Variants in MATN2 observed in about 807,000 individuals in gnomAD.
MATN2 encodes matrilin-2.
Under a neutral mutation model 103.2 loss-of-function variants are expected in MATN2, and 69 were observed. The ratio of observed to expected loss-of-function variants is 0.67; its 90% CI spans 0.55 to 0.82. MATN2 has a LOEUF of 0.82. MATN2 is among the 40% of genes least tolerant of loss of function. The probability of loss-of-function intolerance (pLI) is 0.00; values close to 1 mark genes in which losing one functional copy is unlikely to be tolerated. For synonymous variants in MATN2, 429 were observed against 450.2 expected (o/e 0.95, Z 0.60); for missense variants, 1,023 against 1,211.5 (o/e 0.84, Z 2.31).
intron 4 of MATN2, among the ~76,000 whole-genome samples, chr8:97,945,717 A>AAAAAAATATATAT (rs59472539): frequency 1.1e-4 from 14 of 121,810 alleles, no homozygotes; most frequent in South Asian, 3.0e-4. Context: ...AAAAAAAAAA[A>AAAAAAATATATAT]ATATATATAT....
At chr8:97,927,247 G>A (rs1840371) in intron 2 of MATN2, among the ~76,000 whole-genome samples, 99,391 of 151,982 alleles carry the variant, frequency 0.65, 33,210 homozygotes, top group East Asian at 0.92. Context: ...AGGTTCAAGC[G>A]ATTCTCCTGC....
chr8:97,945,063 G>A (rs1472899354), intron 4 of MATN2, among the ~76,000 whole-genome samples: 2 of 152,138 alleles, frequency 1.3e-5, no homozygotes, highest in South Asian at 4.1e-4. Flanking sequence ...ATAAAATAGT[G>A]AATAACACAG....
chr8:97,996,892 G>A (rs1163707321), intron 7 of MATN2, among the ~76,000 whole-genome samples: 2 of 152,114 alleles, frequency 1.3e-5, no homozygotes, highest in South Asian at 2.1e-4. Flanking sequence ...TGATGGATGT[G>A]GGTAATTTTC....
Position 98,003,680 on chromosome 8 carries a change from G to T in MATN2, c.1224G>T (p.Leu408=). The T allele has an allele frequency of 1.2e-6, 2 of 1,613,786 alleles. No homozygotes were observed. The highest frequency in any genetic ancestry group is 2.2e-5 in the South Asian group (2 of 91,058). Reference sequence around the variant, plus strand: ...CCTCAGGGATCAACTACTGTGCACTGAACAAACCGGGCTGTGAGCATGAGT... The same window carrying T: ...CCTCAGGGATCAACTACTGTGCACTTAACAAACCGGGCTGTGAGCATGAGT... ...KTCRRINYCA[L]NKPGCEHECV... Residue 408 remains leucine, a synonymous_variant, in exon 8 of 19, where the codon CTG becomes CTT. Transcript: ENST00000254898.
chr8:98,013,319 CA>C (rs1301068423), intron 10 of MATN2, among the ~76,000 whole-genome samples: 1 of 152,198 alleles, frequency 6.6e-6, no homozygotes, highest in Non-Finnish European at 1.5e-5. Flanking sequence ...GTGAGTCGTG[CA>C]TTTTGCAAGG....
chr8:97,933,330 T>C (rs1003663238), intron 3 of MATN2, among the ~76,000 whole-genome samples: 1 of 152,230 alleles, frequency 6.6e-6, no homozygotes, highest in African/African-American at 2.4e-5. Flanking sequence ...AAATGACTTC[T>C]GCAGAATTTA....
chr8:97,926,178 G>A (rs535712812), intron 2 of MATN2, among the ~76,000 whole-genome samples: 30 of 152,280 alleles, frequency 2.0e-4, no homozygotes, highest in African/African-American at 6.3e-4. Flanking sequence ...TATGGTTAGA[G>A]GGATGACGTT....
At chr8:97,913,620 T>G (rs1235646424) in intron 2 of MATN2, among the ~76,000 whole-genome samples, 1 of 150,548 alleles carries the variant, frequency 6.6e-6, no homozygotes, top group Non-Finnish European at 1.5e-5. Context: ...CTGCCATTTT[T>G]TTTTTTTTTT....
At chr8:98,024,233 G>C (rs1813706159) in intron 13 of MATN2, among the ~76,000 whole-genome samples, 1 of 152,148 alleles carries the variant, frequency 6.6e-6, no homozygotes, top group Admixed American at 6.6e-5. Context: ...GGCCAGGTGT[G>C]GTGGCTCATG....
At chr8:97,896,921 G>A (rs369794918) in intron 2 of MATN2, among the ~76,000 whole-genome samples, 3 of 151,948 alleles carry the variant, frequency 2.0e-5, no homozygotes, top group Middle Eastern at 3.4e-3. Flanking sequence ...ACACGACAGG[G>A]CTGGGCAGTG....
At chr8:98,030,311 A>C (rs1813966596) in intron 14 of MATN2, 151 bp from the exon 15 acceptor site, 1 of 629,236 alleles carries the variant, frequency 1.6e-6, no homozygotes, top group Non-Finnish European at 2.7e-6. Context: ...GACCAAAATA[A>C]AAATGGTAGA....
In MATN2 at chr8:98,023,054, C is replaced by A. The variant is rs187322099; in HGVS notation, c.1942+1727C>A. Among the ~76,000 whole-genome samples, 295 of 152,160 alleles carry A rather than the reference C, an allele frequency of 1.9e-3. 2 individuals are homozygous for A. Among genetic ancestry groups the A allele is most frequent in the African/African-American group, 6.9e-3 (285 of 41,504 alleles). ...AGTGAGCTGAGATTGCTCCACTGCT[C>A]TCTAGCCTGGGCAACAGAGGAAGAC... On this transcript the variant is annotated intron_variant, in intron 13 of 18. Transcript: ENST00000254898.
intron 2 of MATN2, among the ~76,000 whole-genome samples, chr8:97,922,502 G>A (rs939713860): frequency 6.6e-6 from 1 of 152,170 alleles, no homozygotes; most frequent in African/African-American, 2.4e-5. Context: ...GGGTAAAATT[G>A]AGTACTTCAA....
chr8:97,990,256 G>T (rs1393362322), intron 6 of MATN2, among the ~76,000 whole-genome samples: 1 of 141,058 alleles, frequency 7.1e-6, no homozygotes, highest in Non-Finnish European at 1.5e-5. Flanking sequence ...CTTCACCAAA[G>T]AATATATAGA....
At chr8:97,914,441 GCTTACTGCATCCTCACC>G (rs1374259378) in intron 2 of MATN2, among the ~76,000 whole-genome samples, 2 of 129,164 alleles carry the variant, frequency 1.5e-5, no homozygotes, top group East Asian at 4.7e-4. Flanking sequence ...CACAATAATG[GCTTACTGCATCCTCACC>G]CTCCAGGGCT....
intron 2 of MATN2, among the ~76,000 whole-genome samples, chr8:97,913,511 C>T (rs1249313749): frequency 4.0e-5 from 6 of 151,714 alleles, no homozygotes; most frequent in South Asian, 4.2e-4. Flanking sequence ...GACGGGGTTT[C>T]GCCATGTTGG....
intron 10 of MATN2, among the ~76,000 whole-genome samples, chr8:98,015,788 T>G (rs932210155): frequency 6.6e-6 from 1 of 152,238 alleles, no homozygotes; most frequent in Non-Finnish European, 1.5e-5. Flanking sequence ...AAATGTAAGC[T>G]TCACAAAAGC....
intron 6 of MATN2, among the ~76,000 whole-genome samples, chr8:97,985,000 C>T (rs1298177335): frequency 6.6e-6 from 1 of 152,218 alleles, no homozygotes; most frequent in Non-Finnish European, 1.5e-5. Context: ...ATCTGTGATA[C>T]TATCACACAG....
chr8:97,967,111 G>A (rs1811508575), intron 5 of MATN2, among the ~76,000 whole-genome samples: 1 of 152,130 alleles, frequency 6.6e-6, no homozygotes, highest in African/African-American at 2.4e-5. Context: ...AACTAACTGA[G>A]CGAGAAATCA....
Sources: gnomAD v4.1 joint callset for allele counts (sites outside exome capture counted in the v4.1 genomes callset) on GRCh38, gnomAD v4.1.1 for gene constraint, MANE v1.5 for transcripts, NCBI Gene and HGNC (gene_info 2026-07-23, HGNC 2026-07-21) for gene names.